Variants in TMEM132D observed in about 807,000 individuals in gnomAD.
TMEM132D encodes the protein mature OL transmembrane protein.
TMEM132D carries 21 observed loss-of-function variants against 62.3 expected under a neutral mutation model. That is an observed-to-expected ratio of 0.34 (90% CI 0.24 to 0.49). TMEM132D has a LOEUF of 0.49. TMEM132D is among the 20% of genes least tolerant of loss of function. The pLI is 0.99. For missense variants in TMEM132D, 1,346 were observed against 1,402.8 expected (o/e 0.96, Z 0.65); for synonymous variants, 621 against 575.6 (o/e 1.08, Z -1.13).
At chr12:129,381,970 T>C (rs1336764436) in intron 3 of TMEM132D, among the ~76,000 whole-genome samples, 2 of 152,226 alleles carry the variant, frequency 1.3e-5, no homozygotes, top group Admixed American at 6.5e-5. Context: ...GCTCCTGTGA[T>C]TGGCTTCTTT....
chr12:129,623,332 T>C (rs534684714), intron 2 of TMEM132D, among the ~76,000 whole-genome samples: 12 of 152,252 alleles, frequency 7.9e-5, no homozygotes, highest in African/African-American at 2.2e-4. Context: ...TTTGGTGACA[T>C]AGATGAATTA....
intron 1 of TMEM132D, among the ~76,000 whole-genome samples, chr12:129,858,901 C>T (rs1322344196): frequency 9.0e-6 from 1 of 110,658 alleles, no homozygotes; most frequent in Non-Finnish European, 1.9e-5. Context: ...TAACAGAGTC[C>T]GGGGGATGGG....
intron 5 of TMEM132D, among the ~76,000 whole-genome samples, chr12:129,157,269 A>G (rs1877275309): frequency 6.6e-6 from 1 of 152,230 alleles, no homozygotes; most frequent in South Asian, 2.1e-4. Flanking sequence ...TCATGACCTA[A>G]TCACCTCTTA....
intron 4 of TMEM132D, among the ~76,000 whole-genome samples, chr12:129,268,205 G>T (rs1397040889): frequency 6.6e-6 from 1 of 152,320 alleles, no homozygotes; most frequent in South Asian, 2.1e-4. Context: ...AAACTGAAGA[G>T]CTTCTGCACA....
intron 3 of TMEM132D, among the ~76,000 whole-genome samples, chr12:129,366,077 A>T (rs1870403154): frequency 1.3e-5 from 2 of 152,136 alleles, no homozygotes; most frequent in Admixed American, 1.3e-4. Context: ...AAAACTTCTT[A>T]AAATTACTAA....
chr12:129,236,545 A>C (rs1879792060), intron 4 of TMEM132D, among the ~76,000 whole-genome samples: 1 of 151,744 alleles, frequency 6.6e-6, no homozygotes, highest in South Asian at 2.1e-4. Flanking sequence ...AAAAAAAAGA[A>C]AAGAAATGAA....
intron 2 of TMEM132D, among the ~76,000 whole-genome samples, chr12:129,547,804 T>C (rs1458104244): frequency 6.6e-6 from 1 of 152,194 alleles, no homozygotes; most frequent in African/African-American, 2.4e-5. Context: ...GTAAGAGTTG[T>C]TATGAAAAGA....
intron 4 of TMEM132D, among the ~76,000 whole-genome samples, chr12:129,215,725 T>C (rs1024600326): frequency 6.6e-6 from 1 of 152,180 alleles, no homozygotes; most frequent in Non-Finnish European, 1.5e-5. Flanking sequence ...ACTGCTGATA[T>C]ACCCAAGACT....
intron 3 of TMEM132D, among the ~76,000 whole-genome samples, chr12:129,427,648 T>C (rs186535757): frequency 4.6e-5 from 7 of 152,200 alleles, no homozygotes; most frequent in African/African-American, 1.4e-4. Flanking sequence ...CCAGTTTTTG[T>C]TAGTAAAAGG....
intron 3 of TMEM132D, among the ~76,000 whole-genome samples, chr12:129,378,508 ATG>A: frequency 6.6e-6 from 1 of 152,242 alleles, no homozygotes; most frequent in Non-Finnish European, 1.5e-5. Context: ...GGAACCTGAG[ATG>A]AATAATTTCA....
intron 1 of TMEM132D, among the ~76,000 whole-genome samples, chr12:129,797,946 T>C (rs146348001): frequency 1.3e-5 from 2 of 152,332 alleles, no homozygotes; most frequent in East Asian, 3.9e-4. Context: ...GGAAGGGGAC[T>C]GGATCATGGG....
At chr12:129,481,906 A>G (rs1874440778) in intron 3 of TMEM132D, among the ~76,000 whole-genome samples, 1 of 152,210 alleles carries the variant, frequency 6.6e-6, no homozygotes, top group African/African-American at 2.4e-5. Flanking sequence ...ACACATTGGT[A>G]TTGGGCTTGG....
intron 4 of TMEM132D, among the ~76,000 whole-genome samples, chr12:129,330,660 C>T (rs959097062): frequency 1.3e-5 from 2 of 152,174 alleles, no homozygotes; most frequent in African/African-American, 4.8e-5. Context: ...CCATGCGACA[C>T]CCTGCTCTAC....
intron 3 of TMEM132D, among the ~76,000 whole-genome samples, chr12:129,379,687 G>A (rs1234060399): frequency 1.3e-5 from 2 of 152,112 alleles, no homozygotes; most frequent in African/African-American, 4.8e-5. Context: ...AAACTTTCAG[G>A]GAGGAGCACA....
intron 5 of TMEM132D, among the ~76,000 whole-genome samples, chr12:129,187,764 C>A (rs992703927): frequency 6.6e-5 from 10 of 152,228 alleles, no homozygotes; most frequent in Non-Finnish European, 1.5e-5. Context: ...CAAAACGAAG[C>A]AATCACACAT....
intron 5 of TMEM132D, among the ~76,000 whole-genome samples, chr12:129,125,367 A>G (rs544224033): frequency 6.6e-6 from 1 of 152,336 alleles, no homozygotes; most frequent in East Asian, 1.9e-4. Flanking sequence ...GATGTAAGAC[A>G]CAATTCCCCT....
At chr12:129,895,241 A>G (rs558245892) in intron 1 of TMEM132D, among the ~76,000 whole-genome samples, 53 of 152,340 alleles carry the variant, frequency 3.5e-4, no homozygotes, top group Non-Finnish European at 6.2e-4. Flanking sequence ...CCCAGTGCCC[A>G]GCATCAGTAA....
chr12:129,528,506 C>CT (rs1555263015), intron 3 of TMEM132D, among the ~76,000 whole-genome samples: 1 of 151,886 alleles, frequency 6.6e-6, no homozygotes, highest in Non-Finnish European at 1.5e-5. Flanking sequence ...AGCCTTTTCT[C>CT]CCAGCTTCCC....
rs911398552 is a variant in TMEM132D, at chr12:129,584,456, C to T, written c.969-53251G>A. 3.9e-5 allele frequency among the ~76,000 whole-genome samples: 6 copies of T among 152,328 alleles called. No homozygotes were observed. In the East Asian group the frequency reaches 5.8e-4, roughly 15 times the overall value. On this transcript the variant is annotated intron_variant, in intron 2 of 8. Coordinates refer to ENST00000422113, the MANE Select transcript of TMEM132D (RefSeq NM_133448.3). The stretch of plus-strand genomic sequence containing the variant: ...CCTTCGAGCATGGCTATATGACTTC[C>T]TTTGGCCTCATGGTGGGTGGGAGTT...
Sources: allele counts gnomAD v4.1 joint callset (sites outside exome capture counted in the v4.1 genomes callset), GRCh38; gene constraint gnomAD v4.1.1; transcripts MANE v1.5; gene names NCBI Gene and HGNC (gene_info 2026-07-23, HGNC 2026-07-21).